Variants in FHIT observed in about 807,000 individuals in gnomAD.
FHIT encodes the protein fragile histidine triad diadenosine triphosphatase, also known as bis(5'-adenosyl)-triphosphatase.
A neutral mutation model predicts 17.9 loss-of-function variants in FHIT; 19 were observed. The observed-to-expected ratio is 1.06, with a 90% CI of 0.74 to 1.56. FHIT has a LOEUF of 1.56. FHIT is among the 40% of genes most tolerant of loss of function. The pLI, the probability that FHIT is intolerant of heterozygous loss-of-function variation, is 0.00. For missense variants in FHIT, 248 were observed against 189.2 expected (o/e 1.31, Z -1.82); for synonymous variants, 81 against 69.7 (o/e 1.16, Z -0.81).
At chr3:61,182,130 G>A (rs924953062) in intron 2 of FHIT, among the ~76,000 whole-genome samples, 1 of 152,156 alleles carries the variant, frequency 6.6e-6, no homozygotes, top group Non-Finnish European at 1.5e-5. Flanking sequence ...ATGAGTCATG[G>A]GTAACATGGG....
At chr3:60,688,372 C>G (rs1220562574) in intron 4 of FHIT, among the ~76,000 whole-genome samples, 1 of 151,784 alleles carries the variant, frequency 6.6e-6, no homozygotes, top group African/African-American at 2.4e-5. Context: ...CATATACTAT[C>G]CCCTTGCTGA....
At chr3:60,460,271 A>G (rs978050352) in intron 5 of FHIT, among the ~76,000 whole-genome samples, 1 of 152,166 alleles carries the variant, frequency 6.6e-6, no homozygotes, top group South Asian at 2.1e-4. Context: ...TAGGAAAATC[A>G]TTGTCCAAGT....
chr3:60,124,336 T>A (rs867921198), intron 5 of FHIT, among the ~76,000 whole-genome samples: 7 of 152,106 alleles, frequency 4.6e-5, no homozygotes, highest in Admixed American at 3.9e-4. Context: ...TTTCTTGAGC[T>A]AGCAAGTATC....
At chr3:60,914,829 T>C (rs948107899) in intron 3 of FHIT, among the ~76,000 whole-genome samples, 2 of 152,202 alleles carry the variant, frequency 1.3e-5, no homozygotes, top group African/African-American at 4.8e-5. Context: ...CAAACAGAAA[T>C]GTAGGCATTG....
intron 3 of FHIT, among the ~76,000 whole-genome samples, chr3:60,897,238 G>A (rs1705869750): frequency 6.6e-6 from 1 of 152,132 alleles, no homozygotes; most frequent in Non-Finnish European, 1.5e-5. Context: ...ATTATTATGA[G>A]AGAAGTTGAA....
At chr3:61,126,292 G>A (rs2036605225) in intron 2 of FHIT, among the ~76,000 whole-genome samples, 1 of 152,118 alleles carries the variant, frequency 6.6e-6, no homozygotes, top group Non-Finnish European at 1.5e-5. Flanking sequence ...GGTCTTCTTT[G>A]TAGTTGAGAG....
chr3:60,387,630 A>G (rs4234287), intron 5 of FHIT, among the ~76,000 whole-genome samples: 147,182 of 152,184 alleles, frequency 0.97, 71,379 homozygotes, highest in East Asian at 1. Context: ...CTCCAACCCT[A>G]TGTCTCAGTC....
At chr3:60,263,945 G>T (rs977553664) in intron 5 of FHIT, among the ~76,000 whole-genome samples, 2 of 151,494 alleles carry the variant, frequency 1.3e-5, no homozygotes, top group African/African-American at 4.8e-5. Context: ...AAAGATTTTA[G>T]ATTTACGTTG....
chr3:61,147,842 TACAA>T (rs2037270772), intron 2 of FHIT, among the ~76,000 whole-genome samples: 1 of 151,962 alleles, frequency 6.6e-6, no homozygotes, highest in Non-Finnish European at 1.5e-5. Context: ...TGGAAAAAAC[TACAA>T]ACAAATTCCA....
chr3:60,425,068 C>A (rs1163924005), intron 5 of FHIT, among the ~76,000 whole-genome samples: 1 of 152,018 alleles, frequency 6.6e-6, no homozygotes, highest in Non-Finnish European at 1.5e-5. Flanking sequence ...ATTAGCTGAA[C>A]GTGCCTTCCT....
At chr3:59,876,620 G>C (rs2106931332) in intron 8 of FHIT, among the ~76,000 whole-genome samples, 1 of 152,322 alleles carries the variant, frequency 6.6e-6, no homozygotes, top group East Asian at 1.9e-4. Flanking sequence ...CCCTGCTACA[G>C]GGTAACACAG....
intron 5 of FHIT, among the ~76,000 whole-genome samples, chr3:60,228,872 C>T (rs927002541): frequency 5.3e-5 from 8 of 152,076 alleles, no homozygotes; most frequent in African/African-American, 1.9e-4. Flanking sequence ...CTTATGTAAT[C>T]CCCACAATAG....
chr3:60,514,850 G>A (rs1396374328), intron 5 of FHIT, among the ~76,000 whole-genome samples: 1 of 150,972 alleles, frequency 6.6e-6, no homozygotes, highest in Non-Finnish European at 1.5e-5. Flanking sequence ...AAAATGCTAA[G>A]GGTATCTTTG....
At chr3:61,237,202 G>C (rs968417413) in intron 1 of FHIT, among the ~76,000 whole-genome samples, 7 of 152,152 alleles carry the variant, frequency 4.6e-5, no homozygotes, top group Non-Finnish European at 8.8e-5. Flanking sequence ...AATTAAAAAT[G>C]CTTTCAGTAT....
chr3:60,836,325 T>C (rs141474042), intron 3 of FHIT, among the ~76,000 whole-genome samples: 1,618 of 152,330 alleles, frequency 0.011, 69 homozygotes, highest in Admixed American at 0.078. Context: ...TCCTATTTTC[T>C]GGAAGAGACT....
chr3:60,257,219 T>C (rs537257174), intron 5 of FHIT, among the ~76,000 whole-genome samples: 1 of 152,162 alleles, frequency 6.6e-6, no homozygotes, highest in Non-Finnish European at 1.5e-5. Context: ...TGTCTGAGAG[T>C]TATGACTTAA....
intron 7 of FHIT, among the ~76,000 whole-genome samples, chr3:59,962,583 C>A (rs1208164194): frequency 2.0e-5 from 3 of 152,072 alleles, no homozygotes; most frequent in Non-Finnish European, 4.4e-5. Flanking sequence ...CTAATGAATT[C>A]CTAAATGACA....
At chr3:60,584,037 C>G (rs537700183) in intron 4 of FHIT, among the ~76,000 whole-genome samples, 2 of 152,068 alleles carry the variant, frequency 1.3e-5, no homozygotes, top group South Asian at 4.1e-4. Context: ...AGCCTCCAAG[C>G]TCCTCACAGC....
intron 4 of FHIT, among the ~76,000 whole-genome samples, chr3:60,741,989 C>T (rs1314060995): frequency 2.0e-5 from 3 of 152,190 alleles, no homozygotes; most frequent in African/African-American, 7.2e-5. Flanking sequence ...GGAAGCTTTA[C>T]TTAATGTCTA....
Sources: allele counts gnomAD v4.1 joint callset (sites outside exome capture counted in the v4.1 genomes callset), GRCh38; gene constraint gnomAD v4.1.1; transcripts MANE v1.5; gene names NCBI Gene and HGNC (gene_info 2026-07-23, HGNC 2026-07-21).